CFAP299: variants seen among roughly 807,000 people sequenced by gnomAD.
CFAP299 encodes the protein cilia and flagella associated protein 299.
In CFAP299, 21 loss-of-function variants were observed where a neutral mutation model predicts 27.0. The ratio of observed to expected loss-of-function variants is 0.78; its 90% CI spans 0.55 to 1.12. The LOEUF (loss-of-function observed/expected upper bound fraction) is 1.12. Ranked by LOEUF, CFAP299 falls within the 50% of genes most tolerant of loss-of-function variation. The probability of loss-of-function intolerance (pLI) is 0.00; values close to 1 mark genes in which losing one functional copy is unlikely to be tolerated. For missense variants in CFAP299, 310 were observed against 276.6 expected (o/e 1.12, Z -0.86); for synonymous variants, 104 against 98.1 (o/e 1.06, Z -0.36).
At chr4:80,743,944 C>A (rs1269704581) in intron 3 of CFAP299, among the ~76,000 whole-genome samples, 1 of 152,110 alleles carries the variant, frequency 6.6e-6, no homozygotes. Flanking sequence ...AATATGGACC[C>A]AGGCTGTTCC....
At position 80,583,162 on chromosome 4, in the gene CFAP299, C is replaced by T. The variant is rs1000657550; in HGVS notation, c.312C>T (p.Asp104=). ...CGGCCCTGGCAATGAGAGAAGAAGA[C>T]AATCGCAGTGGAAAACTGAGTGTAA... ...FLTALAMREE[D]NRSGKLSSVI... is the part of the protein sequence containing the mutation. Residue 104 remains aspartate (D), a synonymous_variant, in exon 3 of 6, where the codon GAC becomes GAT. Coordinates refer to ENST00000358105, the MANE Select transcript of CFAP299 (RefSeq NM_152770.3). 1.2e-6 allele frequency: 2 copies of T among 1,604,388 alleles called. No homozygotes were observed. Among genetic ancestry groups the T allele is most frequent in the Non-Finnish European group, 1.7e-6 (2 of 1,173,898 alleles).
At chr4:80,688,692 A>C (rs939294957) in intron 3 of CFAP299, among the ~76,000 whole-genome samples, 9 of 152,268 alleles carry the variant, frequency 5.9e-5, no homozygotes, top group African/African-American at 2.2e-4. Context: ...AGCTGGACGG[A>C]GAATGACTTT....
chr4:80,346,122 T>G (rs56038305), intron 1 of CFAP299, among the ~76,000 whole-genome samples: 4,798 of 152,322 alleles, frequency 0.031, 116 homozygotes, highest in Non-Finnish European at 0.047. Context: ...GATGGGGTTG[T>G]TTGATTTTTT....
chr4:80,593,531 C>T (rs1736891323), intron 3 of CFAP299, among the ~76,000 whole-genome samples: 1 of 151,946 alleles, frequency 6.6e-6, no homozygotes, highest in Non-Finnish European at 1.5e-5. Context: ...TTATAGTATC[C>T]CCTTATCATT....
At chr4:80,455,951 TA>T (rs546481042) in intron 2 of CFAP299, among the ~76,000 whole-genome samples, 3 of 149,168 alleles carry the variant, frequency 2.0e-5, no homozygotes, top group East Asian at 2.0e-4. Context: ...AATAAAGAAA[TA>T]AAAAAAAAGA....
chr4:80,483,129 G>T (rs1449810849), intron 2 of CFAP299, among the ~76,000 whole-genome samples: 3 of 152,322 alleles, frequency 2.0e-5, no homozygotes, highest in East Asian at 3.9e-4. Context: ...GGTGGAGGAG[G>T]GGGGCAGAAA....
chr4:80,823,661 A>G lies in CFAP299; in HGVS notation c.334-46332A>G, dbSNP rs180948915. On this transcript the variant is annotated intron_variant, in intron 3 of 5. Coordinates refer to ENST00000358105, the MANE Select transcript of CFAP299 (RefSeq NM_152770.3). ...ATTAATTCAACAAATGCTAATTACA[A>G]TAGCTTATGCTGACTGAATATCTAC... Among the ~76,000 whole-genome samples, 30 of 152,314 alleles carry G rather than the reference A, an allele frequency of 2.0e-4. 1 individual carries two copies. In the East Asian group the frequency reaches 5.8e-3, roughly 29 times the overall value.
chr4:80,889,958 A>T (rs753579526), intron 4 of CFAP299, among the ~76,000 whole-genome samples: 2 of 152,168 alleles, frequency 1.3e-5, no homozygotes, highest in Non-Finnish European at 2.9e-5. Flanking sequence ...AGAACTAGGA[A>T]TAGAATGAAC....
intron 2 of CFAP299, among the ~76,000 whole-genome samples, chr4:80,552,632 A>G (rs1424335844): frequency 1.3e-5 from 2 of 152,204 alleles, no homozygotes; most frequent in African/African-American, 4.8e-5. Flanking sequence ...AACATGAAAG[A>G]TGACTTTACA....
intron 2 of CFAP299, among the ~76,000 whole-genome samples, chr4:80,573,263 A>G (rs1735685985): frequency 6.6e-6 from 1 of 152,026 alleles, no homozygotes; most frequent in Non-Finnish European, 1.5e-5. Context: ...TGTCATTTGT[A>G]TATCTTCTTT....
intron 3 of CFAP299, among the ~76,000 whole-genome samples, chr4:80,829,094 TA>T (rs1371938352): frequency 6.6e-6 from 1 of 151,832 alleles, no homozygotes; most frequent in Non-Finnish European, 1.5e-5. Flanking sequence ...CCACGAACAT[TA>T]AAAACTTTTG....
chr4:80,562,867 A>G (rs1321956496), intron 2 of CFAP299, among the ~76,000 whole-genome samples: 2 of 151,934 alleles, frequency 1.3e-5, no homozygotes, highest in African/African-American at 4.8e-5. Context: ...TTCTATGTCA[A>G]TGGATACCAA....
intron 4 of CFAP299, among the ~76,000 whole-genome samples, chr4:80,928,930 G>A (rs2110216838): frequency 6.6e-6 from 1 of 152,140 alleles, no homozygotes; most frequent in South Asian, 2.1e-4. Context: ...ATGTTTGTGT[G>A]CAAATCTCTG....
chr4:80,533,119 C>T (rs1351394004), intron 2 of CFAP299, among the ~76,000 whole-genome samples: 2 of 152,182 alleles, frequency 1.3e-5, no homozygotes, highest in East Asian at 3.8e-4. Flanking sequence ...CCCTGCTCTA[C>T]TGTAATCTGA....
chr4:80,493,567 C>T (rs890523914), intron 2 of CFAP299, among the ~76,000 whole-genome samples: 5 of 151,612 alleles, frequency 3.3e-5, no homozygotes, highest in South Asian at 2.1e-4. Flanking sequence ...AGTAGGTAAT[C>T]GAAAAAGGTT....
chr4:80,437,445 A>G (rs1728145098), intron 2 of CFAP299, among the ~76,000 whole-genome samples: 1 of 152,170 alleles, frequency 6.6e-6, no homozygotes. Flanking sequence ...CAGAGTCTCA[A>G]CAGCTTTTGC....
intron 2 of CFAP299, among the ~76,000 whole-genome samples, chr4:80,465,770 AT>A (rs1729669931): frequency 6.6e-6 from 1 of 152,192 alleles, no homozygotes; most frequent in Non-Finnish European, 1.5e-5. Flanking sequence ...CTTCCAACAC[AT>A]TTTGGAGCTT....
chr4:80,678,368 T>A (rs1719609582), intron 3 of CFAP299, among the ~76,000 whole-genome samples: 1 of 152,098 alleles, frequency 6.6e-6, no homozygotes, highest in Non-Finnish European at 1.5e-5. Context: ...TAGATGTTTT[T>A]TCCATCACAA....
intron 3 of CFAP299, among the ~76,000 whole-genome samples, chr4:80,799,670 A>AT (rs1553893031): frequency 0.22 from 1,707 of 7,806 alleles, 330 homozygotes; most frequent in Non-Finnish European, 0.39. Flanking sequence ...ATATTTTATA[A>AT]ATATATATTT....
Sources: allele counts gnomAD v4.1 joint callset (sites outside exome capture counted in the v4.1 genomes callset), GRCh38; gene constraint gnomAD v4.1.1; transcripts MANE v1.5; gene names NCBI Gene and HGNC (gene_info 2026-07-23, HGNC 2026-07-21).